PIP4K2A: variants seen among roughly 807,000 people sequenced by gnomAD.
PIP4K2A encodes phosphatidylinositol-5-phosphate 4-kinase type 2 alpha.
PIP4K2A carries 14 observed loss-of-function variants against 42.9 expected under a neutral mutation model. The observed-to-expected ratio is 0.33, with a 90% CI of 0.22 to 0.51. The LOEUF (loss-of-function observed/expected upper bound fraction) is 0.51, where lower values mean the gene tolerates loss of function less well. Among genes scored for constraint, PIP4K2A ranks in the 20% least tolerant of loss-of-function variants. The probability of loss-of-function intolerance (pLI) is 0.97; values close to 1 mark genes in which losing one functional copy is unlikely to be tolerated. For missense variants in PIP4K2A, 434 were observed against 519.8 expected (o/e 0.83, Z 1.61); for synonymous variants, 192 against 192.2 (o/e 1.00, Z 0.01).
chr10:22,664,075 ACG>A (rs1456212203), intron 1 of PIP4K2A, among the ~76,000 whole-genome samples: 1,958 of 78,912 alleles, frequency 0.025, 288 homozygotes, highest in African/African-American at 0.16. Flanking sequence ...ATATATATAT[ACG>A]TATATATATA....
rs540270986 is a variant in PIP4K2A at position 22,663,690 on chromosome 10, G to A, written c.144+50493C>T. Among the ~76,000 whole-genome samples the A allele has an allele frequency of 8.6e-5, 13 of 151,980 alleles. No homozygotes were observed. The South Asian group carries it at 2.7e-3, about 31-fold the overall frequency. On this transcript the variant is annotated intron_variant, in intron 1 of 9. Coordinates refer to ENST00000376573, the MANE Select transcript of PIP4K2A (RefSeq NM_005028.5). ...ATTCTTCTAGACATTTTTCTATACA[G>A]TGTTCCATAAATATTTTTATAAAAG...
chr10:22,705,426 TAAAAAAAAAAAAAAA>T (rs150254345), intron 1 of PIP4K2A, among the ~76,000 whole-genome samples: 27 of 29,276 alleles, frequency 9.2e-4, no homozygotes, highest in South Asian at 2.0e-3. Context: ...GTACCCCAGT[TAAAAAAAAAAAAAAA>T]AAAAAAAAAA....
At chr10:22,689,417 C>T (rs1234143913) in intron 1 of PIP4K2A, among the ~76,000 whole-genome samples, 4 of 152,166 alleles carry the variant, frequency 2.6e-5, no homozygotes, top group Admixed American at 2.0e-4. Context: ...CTAGGCCTAC[C>T]ATGGTTGCAG....
intron 9 of PIP4K2A, among the ~76,000 whole-genome samples, chr10:22,538,712 A>G (rs1836003408): frequency 6.6e-6 from 1 of 152,074 alleles, no homozygotes; most frequent in Non-Finnish European, 1.5e-5. Flanking sequence ...GGGGTGGTGC[A>G]CCTGGTGCGG....
intron 1 of PIP4K2A, among the ~76,000 whole-genome samples, chr10:22,649,855 C>T (rs1003965202): frequency 3.3e-5 from 5 of 152,226 alleles, no homozygotes; most frequent in African/African-American, 7.2e-5. Context: ...CTTCAGCAAA[C>T]GATATCAGCC....
At chr10:22,539,909 GAGGGAGAGA>G in intron 9 of PIP4K2A, 53 bp downstream of exon 9, 3 of 114,348 alleles carry the variant, frequency 2.6e-5, no homozygotes, top group Non-Finnish European at 2.8e-5. Flanking sequence ...GAGAGAGAGA[GAGGGAGAGA>G]GAGAGAGAGA....
At chr10:22,664,375 A>T (rs189407718) in intron 1 of PIP4K2A, among the ~76,000 whole-genome samples, 1 of 150,378 alleles carries the variant, frequency 6.6e-6, no homozygotes, top group Non-Finnish European at 1.5e-5. Context: ...GTGACTGAAC[A>T]TATTTATGTT....
chr10:22,628,310 C>A (rs1229312846), intron 1 of PIP4K2A, among the ~76,000 whole-genome samples: 1 of 152,174 alleles, frequency 6.6e-6, no homozygotes, highest in African/African-American at 2.4e-5. Flanking sequence ...ATGTGCACAG[C>A]ATCTCAAACT....
At chr10:22,670,604 C>T (rs150328491) in intron 1 of PIP4K2A, among the ~76,000 whole-genome samples, 37 of 152,256 alleles carry the variant, frequency 2.4e-4, no homozygotes, top group African/African-American at 5.5e-4. Context: ...AATTTTGTCT[C>T]ACCCATATCG....
intron 1 of PIP4K2A, among the ~76,000 whole-genome samples, chr10:22,656,456 T>C (rs928585596): frequency 2.6e-5 from 4 of 152,212 alleles, no homozygotes; most frequent in Non-Finnish European, 5.9e-5. Flanking sequence ...GACACTGTCT[T>C]GCTGGACTCA....
At chr10:22,692,781 C>G (rs550902480) in intron 1 of PIP4K2A, among the ~76,000 whole-genome samples, 1 of 152,300 alleles carries the variant, frequency 6.6e-6, no homozygotes, top group African/African-American at 2.4e-5. Context: ...TCTTTACTAC[C>G]TACATACCAA....
chr10:22,661,414 T>C (rs377175011), intron 1 of PIP4K2A, among the ~76,000 whole-genome samples: 1 of 149,184 alleles, frequency 6.7e-6, no homozygotes. Context: ...TGGAGTGCAG[T>C]AGCACAGTCA....
At chr10:22,645,888 AT>A (rs1316262018) in intron 1 of PIP4K2A, among the ~76,000 whole-genome samples, 1 of 151,850 alleles carries the variant, frequency 6.6e-6, no homozygotes, top group Non-Finnish European at 1.5e-5. Flanking sequence ...ATTTGTATTA[AT>A]TTTTTTATTT....
intron 1 of PIP4K2A, among the ~76,000 whole-genome samples, chr10:22,610,439 G>C (rs1838004690): frequency 1.3e-5 from 2 of 152,242 alleles, no homozygotes; most frequent in Admixed American, 1.3e-4. Context: ...ATTTTTGCAT[G>C]TTGACTTTCC....
Position 22,603,620 on chromosome 10 carries a change from C to T in PIP4K2A, c.339+4307G>A, listed in dbSNP as rs543166106. Among the ~76,000 whole-genome samples, 11 of 152,258 alleles carry T rather than the reference C, an allele frequency of 7.2e-5. No homozygotes were observed. The South Asian group carries it at 2.3e-3, about 32-fold the overall frequency. ...TTTTTAAAGAAAGTGATGCTTCACC[C>T]TTTCTTCTCTCTGCATTCCCTAAAA... On this transcript the variant is annotated intron_variant, in intron 3 of 9. Coordinates refer to ENST00000376573, the MANE Select transcript of PIP4K2A (RefSeq NM_005028.5).
chr10:22,664,182 C>CATATATATACATATATATACATAT (rs1839297011), intron 1 of PIP4K2A, among the ~76,000 whole-genome samples: 1 of 43,548 alleles, frequency 2.3e-5, no homozygotes, highest in Non-Finnish European at 3.8e-5. Flanking sequence ...TATATATATA[C>CATATATATACATATATATACATAT]ATATATATAC....
intron 1 of PIP4K2A, among the ~76,000 whole-genome samples, chr10:22,660,776 C>G (rs1277302588): frequency 6.6e-6 from 1 of 151,942 alleles, no homozygotes; most frequent in Non-Finnish European, 1.5e-5. Flanking sequence ...AATCAATACA[C>G]CATACTTCTA....
chr10:22,560,049 C>G (rs1271629375), intron 6 of PIP4K2A, among the ~76,000 whole-genome samples: 1 of 152,164 alleles, frequency 6.6e-6, no homozygotes, highest in Non-Finnish European at 1.5e-5. Context: ...GAAAGAAGCC[C>G]TGCTTCTGCC....
At chr10:22,696,683 C>A (rs1839979586) in intron 1 of PIP4K2A, among the ~76,000 whole-genome samples, 1 of 152,094 alleles carries the variant, frequency 6.6e-6, no homozygotes. Flanking sequence ...TTTATTCATA[C>A]TGAAAAGTCA....
Sources: allele counts gnomAD v4.1 joint callset (sites outside exome capture counted in the v4.1 genomes callset), GRCh38; gene constraint gnomAD v4.1.1; transcripts MANE v1.5; gene names NCBI Gene and HGNC (gene_info 2026-07-23, HGNC 2026-07-21).